CFAP20DC: variants seen among roughly 807,000 people sequenced by gnomAD.
CFAP20DC encodes protein CFAP20DC.
A neutral mutation model predicts 101.7 loss-of-function variants in CFAP20DC; 84 were observed. That is an observed-to-expected ratio of 0.83 (90% CI 0.69 to 0.99). The LOEUF is 0.99. Ranked by LOEUF, CFAP20DC falls within the 50% of genes least tolerant of loss-of-function variation. The probability of loss-of-function intolerance (pLI) is 0.00; values close to 1 mark genes in which losing one functional copy is unlikely to be tolerated. For synonymous variants in CFAP20DC, 359 were observed against 351.2 expected, an observed-to-expected ratio of 1.02 and a Z score of -0.25; for missense variants, 1,007 against 970.3, an observed-to-expected ratio of 1.04 and a Z score of -0.50.
intron 4 of CFAP20DC, among the ~76,000 whole-genome samples, chr3:58,991,319 T>C (rs998612613): frequency 1.3e-5 from 2 of 152,156 alleles, no homozygotes; most frequent in Admixed American, 6.5e-5. Context: ...ACAAACTGCT[T>C]ACCTCCTCCT....
chr3:58,737,503 A>G (rs542718762), downstream of CFAP20DC, among the ~76,000 whole-genome samples: 78 of 152,340 alleles, frequency 5.1e-4, 3 homozygotes, highest in South Asian at 0.016. This position sits in a 1 kb window ranked among gnomAD's most constrained non-coding sequence, Gnocchi z 4.1. Flanking sequence ...GATGTTCTAC[A>G]GAAAAAGAGT....
chr3:58,857,443 T>TA (rs2078927035), intron 12 of CFAP20DC, among the ~76,000 whole-genome samples: 1 of 152,196 alleles, frequency 6.6e-6, no homozygotes, highest in South Asian at 2.1e-4. Flanking sequence ...ACATTCATCT[T>TA]ACATTTTTCC....
chr3:58,867,855 A>T lies in CFAP20DC; in HGVS notation c.1097T>A (p.Leu366Ter). The T allele has an allele frequency of 3.7e-6, 6 of 1,613,642 alleles. No homozygotes were observed. Among genetic ancestry groups the T allele is most frequent in the African/African-American group, 1.3e-5 (1 of 75,016 alleles). ...DKNNNRRRLR[L>*]KSTSRERTET... ...TGTCCTTTCTCTGCTGGTACTTTTTAACCGTAATCTTCTTCTGTTATTATT... is the reference window on the plus strand; with the variant it reads ...TGTCCTTTCTCTGCTGGTACTTTTTTACCGTAATCTTCTTCTGTTATTATT... Residue 366 changes from leucine to a stop codon, truncating the protein, a stop_gained, in exon 10 of 17, where the codon TTA (leucine) becomes TAA (stop). Coordinates refer to ENST00000482387, the MANE Select transcript of CFAP20DC (RefSeq NM_001394063.1). LOFTEE classifies it high-confidence loss of function.
intron 4 of CFAP20DC, among the ~76,000 whole-genome samples, chr3:58,942,763 A>G (rs1181584886): frequency 6.6e-6 from 1 of 152,180 alleles, no homozygotes; most frequent in Non-Finnish European, 1.5e-5. Flanking sequence ...AAGCCAGGGA[A>G]CCAAGTGGTC....
chr3:58,987,777 GA>G (rs2092800651), intron 4 of CFAP20DC, among the ~76,000 whole-genome samples: 1 of 151,548 alleles, frequency 6.6e-6, no homozygotes, highest in African/African-American at 2.4e-5. Flanking sequence ...ATTGACAAGA[GA>G]AAAAAATAGA....
chr3:58,853,991 G>C lies in CFAP20DC; in HGVS notation c.1594-4582C>G, dbSNP rs902819217. The stretch of plus-strand genomic sequence containing the variant: ...TGTTGGAAGTTCTGGCCAGGGCAAT[G>C]AGGCAGGAGAAGGAAATAAAGGGTA... On this transcript the variant is annotated intron_variant, in intron 12 of 16. Coordinates refer to ENST00000482387, the MANE Select transcript of CFAP20DC (RefSeq NM_001394063.1). 4.1e-3 allele frequency among the ~76,000 whole-genome samples: 621 copies of C among 151,822 alleles called. 4 individuals are homozygous for C. The highest frequency in any genetic ancestry group is 0.012 in the African/African-American group (494 of 41,350).
intron 13 of CFAP20DC, among the ~76,000 whole-genome samples, chr3:58,836,284 C>T (rs2076730343): frequency 6.6e-6 from 1 of 152,156 alleles, no homozygotes; most frequent in Admixed American, 6.6e-5. Flanking sequence ...CACACAGGTC[C>T]TTGATAATGA....
Position 59,006,128 on chromosome 3 carries a change from G to C in CFAP20DC, c.278+33429C>G, listed in dbSNP as rs988472544. ...GTATATATACACACATCTATACATG[G>C]AAGGATGGATGGATGGATGGATGGA... On this transcript the variant is annotated intron_variant, in intron 4 of 16. Transcript: ENST00000482387. This position sits in a 1 kb window ranked among gnomAD's most constrained non-coding sequence, Gnocchi z 4.3. Among the ~76,000 whole-genome samples, 1 of 152,158 alleles carries C rather than the reference G, an allele frequency of 6.6e-6. No individual in the cohort carries two copies. Among genetic ancestry groups the C allele is most frequent in the African/African-American group, 2.4e-5 (1 of 41,472 alleles).
intron 5 of CFAP20DC, among the ~76,000 whole-genome samples, chr3:58,927,216 T>G (rs528986016): frequency 6.6e-6 from 1 of 152,340 alleles, no homozygotes; most frequent in South Asian, 2.1e-4. Flanking sequence ...TTAAAGGCAT[T>G]TGGGACAGAA....
At chr3:58,893,996 T>A (rs908411357) in intron 6 of CFAP20DC, among the ~76,000 whole-genome samples, 2 of 152,026 alleles carry the variant, frequency 1.3e-5, no homozygotes, top group African/African-American at 4.8e-5. Context: ...GCAGGGAAAC[T>A]CCCCTTTTTA....
At chr3:58,883,641 G>A (rs1162659252) in intron 7 of CFAP20DC, among the ~76,000 whole-genome samples, 2 of 151,978 alleles carry the variant, frequency 1.3e-5, no homozygotes, top group African/African-American at 4.8e-5. Context: ...CTCCATACAT[G>A]TCCTGTGATT....
At chr3:58,967,570 C>T (rs1315477872) in intron 4 of CFAP20DC, among the ~76,000 whole-genome samples, 5 of 152,112 alleles carry the variant, frequency 3.3e-5, no homozygotes, top group East Asian at 1.9e-4. Context: ...AGTAAGAAGA[C>T]AACCCATAGA....
intron 5 of CFAP20DC, among the ~76,000 whole-genome samples, chr3:58,930,200 T>G (rs2086448507): frequency 6.6e-6 from 1 of 152,204 alleles, no homozygotes; most frequent in East Asian, 1.9e-4. Flanking sequence ...GACTTTAAGT[T>G]TCTGATGTTG....
chr3:58,904,478 G>A (rs1048060655), intron 6 of CFAP20DC, among the ~76,000 whole-genome samples: 1 of 152,056 alleles, frequency 6.6e-6, no homozygotes, highest in Non-Finnish European at 1.5e-5. Flanking sequence ...AGGGCATTTT[G>A]AGTTCATCTC....
intron 14 of CFAP20DC, among the ~76,000 whole-genome samples, chr3:58,814,029 G>C (rs757725225): frequency 6.6e-6 from 1 of 151,882 alleles, no homozygotes; most frequent in Non-Finnish European, 1.5e-5. Flanking sequence ...CACTGGTATA[G>C]AAATACTCCC....
intron 4 of CFAP20DC, among the ~76,000 whole-genome samples, chr3:59,009,406 C>T (rs996498997): frequency 6.6e-6 from 1 of 151,448 alleles, no homozygotes; most frequent in Non-Finnish European, 1.5e-5. Context: ...AGGTAAAAAC[C>T]AACTTAAATT....
chr3:58,748,191 C>A (rs1480482470), intron 16 of CFAP20DC, among the ~76,000 whole-genome samples: 1 of 152,118 alleles, frequency 6.6e-6, no homozygotes, highest in Non-Finnish European at 1.5e-5. Context: ...TCTAAACGCA[C>A]TTTGTTACAC....
intron 1 of CFAP20DC, among the ~76,000 whole-genome samples, chr3:59,047,721 G>A (rs1375088067): frequency 6.6e-6 from 1 of 152,144 alleles, no homozygotes; most frequent in Non-Finnish European, 1.5e-5. Context: ...TTAACTATCT[G>A]AACTTGGAGT....
At chr3:58,875,585 T>C (rs1312349312) in intron 7 of CFAP20DC, among the ~76,000 whole-genome samples, 2 of 152,176 alleles carry the variant, frequency 1.3e-5, no homozygotes, top group African/African-American at 2.4e-5. Flanking sequence ...TCAAATATTT[T>C]ACAAGAACAA....
Sources: gnomAD v4.1 joint callset for allele counts (sites outside exome capture counted in the v4.1 genomes callset) on GRCh38, gnomAD v4.1.1 for gene constraint, Gnocchi (gnomAD v3.1) non-coding constraint, MANE v1.5 for transcripts, NCBI Gene and HGNC (gene_info 2026-07-23, HGNC 2026-07-21) for gene names.